The following SMAD4 variants were observed in gnomAD, a reference collection of about 807,000 sequenced individuals.
SMAD4 encodes the protein SMAD family member 4.
Under a neutral mutation model 63.2 loss-of-function variants are expected in SMAD4, and 7 were observed. That is an observed-to-expected ratio of 0.11 (90% CI 0.06 to 0.21). The LOEUF is 0.21. Among genes scored for constraint, SMAD4 ranks in the 10% least tolerant of loss-of-function variants. The pLI is 1.00. For synonymous variants in SMAD4, 215 were observed against 235.4 expected (o/e 0.91, Z 0.79); for missense variants, 312 against 693.8 (o/e 0.45, Z 6.18).
At chr18:51,055,834 C>T (rs1021212094) in intron 5 of SMAD4, among the ~76,000 whole-genome samples, 4 of 151,888 alleles carry the variant, frequency 2.6e-5, no homozygotes, top group African/African-American at 9.7e-5. Flanking sequence ...TGGGCTAATA[C>T]TGTGTTAGTT....
intron 4 of SMAD4, chr18:51,053,772 T>G (rs1209046203): frequency 6.6e-6 from 1 of 152,160 alleles, no homozygotes; most frequent in Non-Finnish European, 1.5e-5. Context: ...ATGCTGGTTC[T>G]TAATGAAAAA....
In SMAD4 at chr18:51,084,434, T is replaced by G. The variant is rs1219964716; in HGVS notation, c.*5967T>G. 4.4e-6 allele frequency: 1 copy of G among 225,662 alleles called. No homozygotes were observed. The highest frequency in any genetic ancestry group is 6.3e-5 in the East Asian group (1 of 15,768). The allele number at this position is 225,662 out of a possible 1,614,324, so 14.0% of individuals were successfully genotyped here. A position where few individuals can be genotyped will look rare whatever the true frequency, so the allele number is the denominator to read the frequency against. Reference sequence around the variant, plus strand: ...GATCATTCAGAGCTCTCTTCTAGCCTACCCTTGGATGAGTACAATTAATGA... The same window carrying G: ...GATCATTCAGAGCTCTCTTCTAGCCGACCCTTGGATGAGTACAATTAATGA... On this transcript the variant is annotated 3_prime_UTR_variant, in exon 12 of 12. Coordinates refer to ENST00000342988, the MANE Select transcript of SMAD4 (RefSeq NM_005359.6).
At chr18:51,076,281 A>AG (rs1910469076) in intron 10 of SMAD4, among the ~76,000 whole-genome samples, 1 of 152,220 alleles carries the variant, frequency 6.6e-6, no homozygotes, top group Non-Finnish European at 1.5e-5. Flanking sequence ...CTCCAGCCTA[A>AG]GGAAAATTCA....
At chr18:51,065,295 T>C in intron 8 of SMAD4, 128 bp from the exon 9 acceptor site, 1 of 765,120 alleles carries the variant, frequency 1.3e-6, no homozygotes, top group South Asian at 1.4e-5. Context: ...CCAGTTGTTT[T>C]GGGTGCATTA....
At chr18:51,072,493 A>G (rs1393295877) in intron 10 of SMAD4, among the ~76,000 whole-genome samples, 3 of 152,206 alleles carry the variant, frequency 2.0e-5, no homozygotes, top group Non-Finnish European at 4.4e-5. Flanking sequence ...CCCTAAGTCA[A>G]GTAGAACTTA....
chr18:51,032,643 T>C (rs1909085312), intron 1 of SMAD4, among the ~76,000 whole-genome samples: 2 of 152,192 alleles, frequency 1.3e-5, no homozygotes, highest in African/African-American at 2.4e-5. Context: ...ACCTAATTTA[T>C]GCTGCCCAGT....
At chr18:51,075,857 A>C (rs1307041444) in intron 10 of SMAD4, among the ~76,000 whole-genome samples, 2 of 152,214 alleles carry the variant, frequency 1.3e-5, no homozygotes, top group African/African-American at 4.8e-5. Context: ...AGTTTGCAAC[A>C]ACCTCATGAA....
chr18:51,065,061 A>C (rs998685814), intron 8 of SMAD4, among the ~76,000 whole-genome samples: 1 of 152,216 alleles, frequency 6.6e-6, no homozygotes, highest in African/African-American at 2.4e-5. Flanking sequence ...AAAATAATTT[A>C]TTTTAGATTC....
rs533041781 is a variant in SMAD4, at chr18:51,053,129, A to G, written c.455-1652A>G. ...AGCAGAATACAGTTGGTACATAAAGATGTTATGATTGCTGATTAAACTGAA... is the reference window on the plus strand; with the variant it reads ...AGCAGAATACAGTTGGTACATAAAGGTGTTATGATTGCTGATTAAACTGAA... On this transcript the variant is annotated intron_variant, in intron 4 of 11. Coordinates refer to ENST00000342988, the MANE Select transcript of SMAD4 (RefSeq NM_005359.6). 65 of 152,340 alleles carry G rather than the reference A, an allele frequency of 4.3e-4. 1 individual carries two copies. Among genetic ancestry groups the G allele is most frequent in the African/African-American group, 1.4e-3 (58 of 41,580 alleles). The allele number at this position is 152,340 out of a possible 1,614,324, so 9.4% of individuals were successfully genotyped here. A position where few individuals can be genotyped will look rare whatever the true frequency, so the allele number is the denominator to read the frequency against.
intron 10 of SMAD4, among the ~76,000 whole-genome samples, 160 bp downstream of exon 10, chr18:51,067,347 CATT>C (rs1348596246): frequency 2.6e-5 from 4 of 152,048 alleles, no homozygotes; most frequent in Admixed American, 2.0e-4. Context: ...CATTTATTGA[CATT>C]ATCAGTAATC....
intron 10 of SMAD4, among the ~76,000 whole-genome samples, chr18:51,073,361 T>TTTTATATATATATA (rs1555687088): frequency 9.0e-5 from 2 of 22,218 alleles, no homozygotes; most frequent in Non-Finnish European, 1.7e-4. Flanking sequence ...CCAGATAACA[T>TTTTATATATATATA]TATATATATA....
chr18:51,042,757 A>G (rs1258367046), intron 1 of SMAD4, among the ~76,000 whole-genome samples: 2 of 152,162 alleles, frequency 1.3e-5, no homozygotes, highest in Non-Finnish European at 2.9e-5. Context: ...GCTGGAGTGC[A>G]GTGGCTCAGT....
Position 51,030,245 on chromosome 18 carries a change from A to T in SMAD4, c.-506A>T. ...GTGGCTTCTCGACAAGTTGGCAGCA[A>T]CAACACGGCCCTGGTCGTCGTCGCC... On this transcript the variant is annotated 5_prime_UTR_variant, in exon 1 of 12. Transcript: ENST00000342988. The T allele has an allele frequency of 6.5e-6, 1 of 152,732 alleles. No homozygotes were observed. Among genetic ancestry groups the T allele is most frequent in the East Asian group, 1.9e-4 (1 of 5,180 alleles). 9.5% of individuals were successfully genotyped at this position (152,732 alleles called of 1,614,324 possible). A position where few individuals can be genotyped will look rare whatever the true frequency, so the allele number is the denominator to read the frequency against.
chr18:51,076,062 A>T (rs1217652439), intron 10 of SMAD4, among the ~76,000 whole-genome samples: 3 of 152,212 alleles, frequency 2.0e-5, no homozygotes, highest in African/African-American at 7.2e-5. Context: ...TTACAATTTT[A>T]TATTTGTTTG....
intron 1 of SMAD4, among the ~76,000 whole-genome samples, chr18:51,033,452 A>G (rs531977256): frequency 9.8e-5 from 15 of 152,352 alleles, no homozygotes; most frequent in African/African-American, 3.4e-4. Flanking sequence ...GGCCTCCCAA[A>G]GTGCTGGGAT....
chr18:51,033,320 G>A (rs543367110), intron 1 of SMAD4, among the ~76,000 whole-genome samples: 3 of 151,876 alleles, frequency 2.0e-5, no homozygotes, highest in South Asian at 2.1e-4. Context: ...CTCCTGAGTA[G>A]CTGGGATTAC....
At chr18:51,066,589 G>T (rs1417969497) in intron 9 of SMAD4, among the ~76,000 whole-genome samples, 2 of 152,102 alleles carry the variant, frequency 1.3e-5, no homozygotes, top group Non-Finnish European at 2.9e-5. Flanking sequence ...GTCCAGTTCG[G>T]TAGCCACTAG....
Position 51,078,251 on chromosome 18 carries a change from G to A in SMAD4, c.1448-5G>A. On this transcript the variant is annotated splice_region_variant and splice_polypyrimidine_tract_variant and intron_variant, in intron 11 of 11. Coordinates refer to ENST00000342988, the MANE Select transcript of SMAD4 (RefSeq NM_005359.6). The stretch of plus-strand genomic sequence containing the variant: ...CTCTGATGTCTTCCAAATCTTTTCT[G>A]TTAGGTCTGTCAGCTGCTGCTGGAA... 1 of 1,610,576 alleles carries A rather than the reference G, an allele frequency of 6.2e-7. No homozygotes were observed. The highest frequency in any genetic ancestry group is 8.5e-7 in the Non-Finnish European group (1 of 1,177,576).
chr18:51,045,661 T>C (rs1909522649), intron 1 of SMAD4, among the ~76,000 whole-genome samples: 2 of 152,210 alleles, frequency 1.3e-5, no homozygotes, highest in Non-Finnish European at 1.5e-5. Flanking sequence ...TACCATAAAA[T>C]TCACTATTTG....
Sources: gnomAD v4.1 joint callset for allele counts (sites outside exome capture counted in the v4.1 genomes callset) on GRCh38, gnomAD v4.1.1 for gene constraint, MANE v1.5 for transcripts, NCBI Gene and HGNC (gene_info 2026-07-23, HGNC 2026-07-21) for gene names.